Variants in DAB1 observed in about 807,000 individuals in gnomAD.
DAB1 encodes the protein disabled homolog 1.
A neutral mutation model predicts 64.6 loss-of-function variants in DAB1; 15 were observed. The observed-to-expected ratio is 0.23, with a 90% CI of 0.16 to 0.36. The LOEUF (loss-of-function observed/expected upper bound fraction) is 0.36. DAB1 is among the 10% of genes least tolerant of loss of function. DAB1 has a pLI of 1.00. For missense variants in DAB1, 596 were observed against 706.7 expected, an observed-to-expected ratio of 0.84 and a Z score of 1.78; for synonymous variants, 235 against 251.9, an observed-to-expected ratio of 0.93 and a Z score of 0.64.
At chr1:57,674,692 A>G (rs920260466) in intron 6 of DAB1, among the ~76,000 whole-genome samples, 7 of 152,136 alleles carry the variant, frequency 4.6e-5, no homozygotes, top group African/African-American at 1.7e-4. Context: ...ACTGCTCCTC[A>G]GTCACCAATA....
intron 2 of DAB1, among the ~76,000 whole-genome samples, chr1:57,153,846 A>G (rs1271998045): frequency 6.6e-6 from 1 of 151,954 alleles, no homozygotes; most frequent in African/African-American, 2.4e-5. Flanking sequence ...TCACCGTGTT[A>G]GCCAGGATGG....
chr1:57,538,820 T>C (rs566933400), intron 7 of DAB1, among the ~76,000 whole-genome samples: 1 of 152,272 alleles, frequency 6.6e-6, no homozygotes, highest in East Asian at 1.9e-4. Flanking sequence ...TTCATTACCA[T>C]TAAGACAATG....
intron 3 of DAB1, among the ~76,000 whole-genome samples, chr1:58,409,658 C>T (rs550356581): frequency 3.3e-5 from 5 of 152,228 alleles, no homozygotes; most frequent in Non-Finnish European, 7.3e-5. Flanking sequence ...GTTACGTGGA[C>T]TTGGGACCAT....
chr1:57,617,224 C>G (rs956414231), intron 7 of DAB1, among the ~76,000 whole-genome samples: 5 of 152,102 alleles, frequency 3.3e-5, no homozygotes, highest in African/African-American at 1.2e-4. Flanking sequence ...AGGAGAGCCA[C>G]CAGGCTGGGG....
At chr1:57,008,349 T>C (rs1646156117) in intron 14 of DAB1, among the ~76,000 whole-genome samples, 1 of 152,214 alleles carries the variant, frequency 6.6e-6, no homozygotes, top group Non-Finnish European at 1.5e-5. Context: ...AATGGTCTTA[T>C]ACATGAAAGC....
chr1:58,096,386 C>T (rs1212887562), intron 5 of DAB1, among the ~76,000 whole-genome samples: 1 of 152,172 alleles, frequency 6.6e-6, no homozygotes, highest in Non-Finnish European at 1.5e-5. Flanking sequence ...AAGTGATGGC[C>T]TTACAGACTT....
intron 8 of DAB1, among the ~76,000 whole-genome samples, chr1:57,065,304 C>T (rs977767106): frequency 1.3e-5 from 2 of 152,114 alleles, no homozygotes; most frequent in Non-Finnish European, 2.9e-5. Context: ...ATAAAAATTG[C>T]TAAGCACGTA....
At chr1:57,380,107 T>C (rs1681245185) in intron 1 of DAB1, among the ~76,000 whole-genome samples, 2 of 152,230 alleles carry the variant, frequency 1.3e-5, no homozygotes, top group South Asian at 4.1e-4. Flanking sequence ...ATTGAGCACC[T>C]ACTTGGTGTC....
chr1:58,500,284 C>T (rs569265037), intron 3 of DAB1, among the ~76,000 whole-genome samples: 101 of 152,194 alleles, frequency 6.6e-4, no homozygotes, highest in African/African-American at 2.4e-3. Context: ...ATGATATTTG[C>T]CTTTTCCTCA....
intron 6 of DAB1, among the ~76,000 whole-genome samples, chr1:57,812,951 T>C (rs1027281024): frequency 2.2e-4 from 33 of 152,208 alleles, no homozygotes; most frequent in Non-Finnish European, 3.7e-4. Context: ...GTGTGTGGTC[T>C]ACACTACCAC....
At chr1:58,339,224 T>A (rs1226146006) in intron 4 of DAB1, among the ~76,000 whole-genome samples, 6 of 152,212 alleles carry the variant, frequency 3.9e-5, no homozygotes, top group Non-Finnish European at 7.3e-5. Context: ...AAGACGAAAC[T>A]TGTTTAGGAT....
At chr1:58,333,043 G>C (rs1377534974) in intron 4 of DAB1, among the ~76,000 whole-genome samples, 2 of 152,144 alleles carry the variant, frequency 1.3e-5, no homozygotes, top group East Asian at 3.8e-4. Context: ...CCAAATAGCT[G>C]GGATTACAGG....
chr1:57,372,461 T>C (rs1680575493), intron 1 of DAB1, among the ~76,000 whole-genome samples: 1 of 152,224 alleles, frequency 6.6e-6, no homozygotes, highest in Admixed American at 6.5e-5. Flanking sequence ...AATTTAGCAC[T>C]TTGGAGCCTG....
chr1:57,811,766 C>T (rs1038875575), intron 6 of DAB1, among the ~76,000 whole-genome samples: 1 of 152,112 alleles, frequency 6.6e-6, no homozygotes, highest in Admixed American at 6.6e-5. Context: ...ATAGTATGTG[C>T]TCAAGGAATG....
At chr1:58,020,376 G>C (rs1249438333) in intron 5 of DAB1, among the ~76,000 whole-genome samples, 1 of 152,110 alleles carries the variant, frequency 6.6e-6, no homozygotes, top group Non-Finnish European at 1.5e-5. Context: ...ATTATCTCTG[G>C]AATTCCTGTA....
chr1:57,379,556 G>C (rs1681189036), intron 1 of DAB1, among the ~76,000 whole-genome samples: 1 of 152,182 alleles, frequency 6.6e-6, no homozygotes, highest in Non-Finnish European at 1.5e-5. Flanking sequence ...TTAGCTGCCA[G>C]ACCAACAGTT....
At chr1:58,544,392 GA>G (rs1335941352) in intron 1 of DAB1, among the ~76,000 whole-genome samples, 2 of 152,032 alleles carry the variant, frequency 1.3e-5, no homozygotes, top group Non-Finnish European at 2.9e-5. Flanking sequence ...ATAGTAATGA[GA>G]AAATATGCTA....
At chr1:57,345,020 A>G (rs1677966965) in intron 1 of DAB1, among the ~76,000 whole-genome samples, 1 of 152,170 alleles carries the variant, frequency 6.6e-6, no homozygotes. Context: ...AGACCCAGAC[A>G]GTCTTGTTTA....
At chr1:58,029,563 C>T (rs1023192598) in intron 5 of DAB1, among the ~76,000 whole-genome samples, 35 of 152,308 alleles carry the variant, frequency 2.3e-4, no homozygotes, top group African/African-American at 7.9e-4. Context: ...AGAGGCCAGA[C>T]TCATCCAACA....
Sources: gnomAD v4.1 joint callset for allele counts (sites outside exome capture counted in the v4.1 genomes callset) on GRCh38, gnomAD v4.1.1 for gene constraint, MANE v1.5 for transcripts, NCBI Gene and HGNC (gene_info 2026-07-23, HGNC 2026-07-21) for gene names.